The following CDC14B variants were observed in gnomAD, a reference collection of about 807,000 sequenced individuals.
CDC14B encodes cell division cycle 14B.
A neutral mutation model predicts 64.2 loss-of-function variants in CDC14B; 22 were observed. The ratio of observed to expected loss-of-function variants is 0.34; its 90% CI spans 0.24 to 0.49. The LOEUF (loss-of-function observed/expected upper bound fraction) is 0.49, where lower values mean the gene tolerates loss of function less well. Among genes scored for constraint, CDC14B ranks in the 20% least tolerant of loss-of-function variants. The probability of loss-of-function intolerance (pLI) is 0.99; values close to 1 mark genes in which losing one functional copy is unlikely to be tolerated. For synonymous variants in CDC14B, 191 were observed against 215.8 expected (o/e 0.89, Z 1.01); for missense variants, 498 against 629.9 (o/e 0.79, Z 2.24).
intron 12 of CDC14B, among the ~76,000 whole-genome samples, chr9:96,512,893 CGGTT>C (rs146135734): frequency 1.2e-3 from 179 of 151,876 alleles, no homozygotes; most frequent in African/African-American, 3.7e-3. Flanking sequence ...TTTGAGGCCA[CGGTT>C]GGCCAAAAGT....
At chr9:96,509,139 A>G (rs1239287446) in intron 13 of CDC14B, among the ~76,000 whole-genome samples, 3 of 152,228 alleles carry the variant, frequency 2.0e-5, no homozygotes, top group Admixed American at 2.0e-4. Context: ...CAACAGAGTC[A>G]CCGACGTGGC....
At chr9:96,526,819 C>T (rs1272335346) in intron 9 of CDC14B, among the ~76,000 whole-genome samples, 6 of 152,096 alleles carry the variant, frequency 3.9e-5, no homozygotes, top group African/African-American at 9.7e-5. Flanking sequence ...TGATCTCTAC[C>T]CACCAGATGC....
chr9:96,584,682 C>A (rs1342723690), intron 1 of CDC14B, among the ~76,000 whole-genome samples: 2 of 152,140 alleles, frequency 1.3e-5, no homozygotes, highest in African/African-American at 2.4e-5. Flanking sequence ...GTGACGGAGT[C>A]CCGCTTTGTC....
chr9:96,510,847 T>A (rs1834816178), intron 12 of CDC14B, among the ~76,000 whole-genome samples: 1 of 152,038 alleles, frequency 6.6e-6, no homozygotes, highest in Admixed American at 6.6e-5. Flanking sequence ...CTCAGGTGAT[T>A]CGCCCACCTC....
intron 1 of CDC14B, among the ~76,000 whole-genome samples, chr9:96,569,824 A>G (rs1198319468): frequency 6.6e-6 from 1 of 152,108 alleles, no homozygotes; most frequent in Non-Finnish European, 1.5e-5. Flanking sequence ...CCTGACCTCA[A>G]GTGATCCACC....
chr9:96,541,474 T>G (rs929012751), intron 6 of CDC14B, among the ~76,000 whole-genome samples: 2 of 152,218 alleles, frequency 1.3e-5, no homozygotes, highest in East Asian at 3.8e-4. Context: ...ATATAGAATA[T>G]ACAAATCAAA....
intron 13 of CDC14B, among the ~76,000 whole-genome samples, chr9:96,494,866 G>A (rs376312915): frequency 2.1e-5 from 3 of 143,718 alleles, no homozygotes; most frequent in South Asian, 2.3e-4. Flanking sequence ...TCGGAGTCTC[G>A]CTCTGTCGCC....
intron 1 of CDC14B, among the ~76,000 whole-genome samples, chr9:96,586,626 G>A (rs542627660): frequency 6.6e-6 from 1 of 152,070 alleles, no homozygotes; most frequent in Non-Finnish European, 1.5e-5. Context: ...TGTGGAGATG[G>A]GGTCTTGCCA....
At position 96,523,318 on chromosome 9, in the gene CDC14B, G is replaced by A. The variant is rs886856172; in HGVS notation, c.1188C>T (p.Gly396=). 22 of 1,613,936 alleles carry A rather than the reference G, an allele frequency of 1.4e-5. No homozygotes were observed. The highest frequency in any genetic ancestry group is 1.7e-5 in the Non-Finnish European group (20 of 1,180,008). ...HRAAFSKLLS[G]VDDISINGVE... ...CCCCATTTATGGAAATGTCATCAAC[G>A]CCAGAGAGAAGTTTGGAGAAGGCTG... Residue 396 remains glycine, a synonymous_variant, in exon 11 of 14, where the codon GGC becomes GGT. Transcript: ENST00000375241.
rs757612631 is a variant in CDC14B, at chr9:96,534,590, A to G, written c.628-48T>C. The stretch of plus-strand genomic sequence containing the variant: ...ATTCGTTTTTAAATGTATTCTCCCC[A>G]CAACCTCTCTACTCAAGACTGAGTC... On this transcript the variant is annotated intron_variant, in intron 7 of 13. Coordinates refer to ENST00000375241, the MANE Select transcript of CDC14B (RefSeq NM_033331.4). 4 of 1,228,942 alleles carry G rather than the reference A, an allele frequency of 3.3e-6. No homozygotes were observed. In the South Asian group the frequency reaches 3.7e-5, roughly 11 times the overall value. 76.1% of individuals were successfully genotyped at this position (1,228,942 alleles called of 1,614,324 possible).
chr9:96,591,152 G>A (rs1271026812), intron 1 of CDC14B, among the ~76,000 whole-genome samples: 8 of 152,078 alleles, frequency 5.3e-5, no homozygotes, highest in Non-Finnish European at 1.2e-4. Flanking sequence ...CTGTGCTTTT[G>A]GTATCATATC....
At chr9:96,525,909 G>A (rs1837481867) in intron 9 of CDC14B, among the ~76,000 whole-genome samples, 2 of 152,056 alleles carry the variant, frequency 1.3e-5, no homozygotes, top group Non-Finnish European at 1.5e-5. Flanking sequence ...ATTTGAGGGG[G>A]GCCAGATGGC....
intron 1 of CDC14B, among the ~76,000 whole-genome samples, chr9:96,607,026 CAAAAAAATTTAAAAAA>C (rs1031141121): frequency 2.2e-4 from 31 of 141,744 alleles, no homozygotes; most frequent in Non-Finnish European, 4.3e-4. Context: ...GACTGTGTCT[CAAAAAAATTTAAAAAA>C]AAAAAAATTT....
At chr9:96,575,940 T>C (rs1844774997) in intron 1 of CDC14B, among the ~76,000 whole-genome samples, 1 of 152,176 alleles carries the variant, frequency 6.6e-6, no homozygotes, top group African/African-American at 2.4e-5. Flanking sequence ...TGCTATGCAG[T>C]TGCTAGGAAA....
Position 96,515,900 on chromosome 9 carries a change from G to T in CDC14B, c.1344-6111C>A. 1 of 1,032,130 alleles carries T rather than the reference G, an allele frequency of 9.7e-7. No homozygotes were observed. The highest frequency in any genetic ancestry group is 1.4e-6 in the Non-Finnish European group (1 of 733,836). 63.9% of individuals were successfully genotyped at this position (1,032,130 alleles called of 1,614,324 possible). ...TATGTGAATTTTAGACACCCTAAAA[G>T]CCCAGCCAACAGCAACAGGGATACA... On this transcript the variant is annotated intron_variant, in intron 12 of 13. Coordinates refer to ENST00000375241, the MANE Select transcript of CDC14B (RefSeq NM_033331.4). This position sits in a 1 kb window ranked among gnomAD's most constrained non-coding sequence, Gnocchi z 4.3.
At position 96,514,375 on chromosome 9, in the gene CDC14B, A is replaced by G. The variant is rs180757183; in HGVS notation, c.1344-4586T>C. The G allele has an allele frequency of 1.2e-5, 11 of 953,950 alleles. 1 individual carries two copies. The East Asian group carries it at 1.3e-3, about 110-fold the overall frequency. The allele number at this position is 953,950 out of a possible 1,614,324, so 59.1% of individuals were successfully genotyped here. ...TATGTGGCAATCGTAGTTGACTAAGAGAAGTAAAGAAGAAAACACCCAAAA... is the reference window on the plus strand; with the variant it reads ...TATGTGGCAATCGTAGTTGACTAAGGGAAGTAAAGAAGAAAACACCCAAAA... On this transcript the variant is annotated intron_variant, in intron 12 of 13. Transcript: ENST00000375241.
At chr9:96,548,102 G>T (rs910535449) in intron 5 of CDC14B, among the ~76,000 whole-genome samples, 3 of 152,106 alleles carry the variant, frequency 2.0e-5, no homozygotes, top group African/African-American at 7.2e-5. Context: ...TAGGATTACA[G>T]GCGTGAGCCA....
chr9:96,611,899 T>A (rs1220267788), intron 1 of CDC14B, among the ~76,000 whole-genome samples: 1 of 152,224 alleles, frequency 6.6e-6, no homozygotes, highest in Admixed American at 6.5e-5. Context: ...AATAATTTCA[T>A]ATATTGTTTT....
chr9:96,606,073 C>T (rs1042899946), intron 1 of CDC14B, among the ~76,000 whole-genome samples: 2 of 151,816 alleles, frequency 1.3e-5, no homozygotes, highest in African/African-American at 4.8e-5. Flanking sequence ...GTGGCTCATG[C>T]CTGTAATCCC....
Sources: gnomAD v4.1 joint callset for allele counts (sites outside exome capture counted in the v4.1 genomes callset) on GRCh38, gnomAD v4.1.1 for gene constraint, Gnocchi (gnomAD v3.1) non-coding constraint, MANE v1.5 for transcripts, NCBI Gene and HGNC (gene_info 2026-07-23, HGNC 2026-07-21) for gene names.